The following NOMO3 variants were observed in gnomAD, a reference collection of about 807,000 sequenced individuals.
NOMO3 encodes NODAL modulator 3.
A neutral mutation model predicts 69.9 loss-of-function variants in NOMO3; 15 were observed. That is an observed-to-expected ratio of 0.21 (90% CI 0.14 to 0.33). The LOEUF (loss-of-function observed/expected upper bound fraction) is 0.33. Among genes scored for constraint, NOMO3 ranks in the 10% least tolerant of loss-of-function variants. The probability of loss-of-function intolerance (pLI) is 1.00; values close to 1 mark genes in which losing one functional copy is unlikely to be tolerated. For synonymous variants in NOMO3, 89 were observed against 301.9 expected, an observed-to-expected ratio of 0.29 and a Z score of 7.31; for missense variants, 218 against 761.0, an observed-to-expected ratio of 0.29 and a Z score of 8.39.
chr16:16,272,024 GT>G (rs2049660238), intron 18 of NOMO3, among the ~76,000 whole-genome samples: 2 of 132,968 alleles, frequency 1.5e-5, no homozygotes, highest in African/African-American at 6.6e-5. Flanking sequence ...CTGGTTTCTG[GT>G]GATGGGGAGC....
At chr16:16,233,481 C>T in intron 1 of NOMO3, among the ~76,000 whole-genome samples, 1 of 110,678 alleles carries the variant, frequency 9.0e-6, no homozygotes, top group Non-Finnish European at 1.9e-5. Context: ...AATGGAATTA[C>T]CCTAGAGATT....
chr16:16,255,618 G>T, intron 9 of NOMO3, 102 bp from the exon 10 acceptor site: 1 of 673,602 alleles, frequency 1.5e-6, no homozygotes, highest in Non-Finnish European at 2.7e-6. Context: ...GAGGTGGGCG[G>T]CAGGAGCAGA....
At chr16:16,267,894 A>T (rs2049632252) in intron 16 of NOMO3, among the ~76,000 whole-genome samples, 2 of 127,212 alleles carry the variant, frequency 1.6e-5, no homozygotes, top group South Asian at 5.4e-4. Context: ...ACAATGTAAG[A>T]TCCTCTGTGC....
intron 15 of NOMO3, among the ~76,000 whole-genome samples, chr16:16,265,974 C>T (rs538091721): frequency 1.7e-4 from 25 of 144,622 alleles, no homozygotes; most frequent in African/African-American, 5.9e-4. Context: ...GGATTACAGG[C>T]GTGAGCCATT....
chr16:16,258,804 G>C lies in NOMO3; in HGVS notation c.1220+2646G>C, dbSNP rs1361964250. On this transcript the variant is annotated intron_variant, in intron 11 of 30. Coordinates refer to ENST00000399336, the MANE Select transcript of NOMO3 (RefSeq NM_001004067.4). ...CGCTTGAACCCGAGAGGCAGGGGTT[G>C]CAGTGAGCTGAGATTGCACCATTGC... Among the ~76,000 whole-genome samples the C allele has an allele frequency of 5.6e-5, 8 of 142,372 alleles. 2 individuals are homozygous for C. Among genetic ancestry groups the C allele is most frequent in the Admixed American group, 5.4e-4 (8 of 14,736 alleles). 93.4% of individuals were successfully genotyped at this position (142,372 alleles called of 152,430 possible).
chr16:16,243,803 G>A lies in NOMO3; in HGVS notation c.402+542G>A, dbSNP rs1249409997. ...ACCTCCCATAGTGCTGGGATTACAG[G>A]TGTACGCTGTGCACCCAGCCGCTGT... On this transcript the variant is annotated intron_variant, in intron 4 of 30. Transcript: ENST00000399336. Among the ~76,000 whole-genome samples, 6 of 142,174 alleles carry A rather than the reference G, an allele frequency of 4.2e-5. 1 individual carries two copies. Among genetic ancestry groups the A allele is most frequent in the African/African-American group, 1.7e-4 (6 of 34,628 alleles). The allele number at this position is 142,174 out of a possible 152,430, so 93.3% of individuals were successfully genotyped here.
At chr16:16,250,186 G>A (rs1333037023) in intron 6 of NOMO3, among the ~76,000 whole-genome samples, 1 of 142,668 alleles carries the variant, frequency 7.0e-6, no homozygotes, top group African/African-American at 2.8e-5. Flanking sequence ...CTGCCTGTGA[G>A]TAGTTGAAGG....
At chr16:16,265,275 A>T in intron 15 of NOMO3, 96 bp downstream of exon 15, 1 of 1,584,138 alleles carries the variant, frequency 6.3e-7, no homozygotes, top group Non-Finnish European at 8.5e-7. Context: ...AACGTAGGCA[A>T]GTCAGATTTC....
rs2043874376 is a variant in NOMO3 at position 16,232,543 on chromosome 16, G to C, written c.-124G>C. The C allele has an allele frequency of 8.2e-7, 1 of 1,226,260 alleles. No homozygotes were observed. The highest frequency in any genetic ancestry group is 1.0e-6 in the Non-Finnish European group (1 of 975,228). 76.0% of individuals were successfully genotyped at this position (1,226,260 alleles called of 1,614,324 possible). ...AAGCGCGCGTGCGCGGCGGCGGCTG[G>C]CGGCGGCGGTGGGGCGGGGCCTGGG... On this transcript the variant is annotated 5_prime_UTR_variant, in exon 1 of 31. Transcript: ENST00000399336.
intron 2 of NOMO3, among the ~76,000 whole-genome samples, chr16:16,238,399 A>AT (rs1034909988): frequency 3.0e-5 from 4 of 132,464 alleles, no homozygotes; most frequent in Admixed American, 1.5e-4. Flanking sequence ...TGCCCAGCTA[A>AT]TTTTTTTTGT....
chr16:16,254,412 T>C (rs1384061537), intron 9 of NOMO3, among the ~76,000 whole-genome samples: 1 of 142,890 alleles, frequency 7.0e-6, no homozygotes, highest in Non-Finnish European at 1.5e-5. Context: ...ATGAAACATG[T>C]CTTTTTGGAA....
In NOMO3 at chr16:16,258,791, A is replaced by G. The variant is rs1223489747; in HGVS notation, c.1220+2633A>G. On this transcript the variant is annotated intron_variant, in intron 11 of 30. Coordinates refer to ENST00000399336, the MANE Select transcript of NOMO3 (RefSeq NM_001004067.4). Reference sequence around the variant, plus strand: ...GAGGCAGGAGAATCGCTTGAACCCGAGAGGCAGGGGTTGCAGTGAGCTGAG... The same window carrying G: ...GAGGCAGGAGAATCGCTTGAACCCGGGAGGCAGGGGTTGCAGTGAGCTGAG... Among the ~76,000 whole-genome samples, 14 of 142,094 alleles carry G rather than the reference A, an allele frequency of 9.9e-5. 1 individual carries two copies. The highest frequency in any genetic ancestry group is 4.6e-4 in the East Asian group (2 of 4,310). 93.2% of individuals were successfully genotyped at this position (142,094 alleles called of 152,430 possible). A position where few individuals can be genotyped will look rare whatever the true frequency, so the allele number is the denominator to read the frequency against.
At chr16:16,240,607 A>G in intron 3 of NOMO3, among the ~76,000 whole-genome samples, 1 of 144,312 alleles carries the variant, frequency 6.9e-6, no homozygotes, top group Non-Finnish European at 1.5e-5. Flanking sequence ...GGAGTTGGGG[A>G]TGGGGTTGAG....
rs549485297 is a variant in NOMO3, at chr16:16,237,836, C to T, written c.255+846C>T. Among the ~76,000 whole-genome samples, 40 of 144,452 alleles carry T rather than the reference C, an allele frequency of 2.8e-4. 7 individuals carry two copies. The highest frequency in any genetic ancestry group is 1.1e-3 in the African/African-American group (38 of 36,028). The allele number at this position is 144,452 out of a possible 152,430, so 94.8% of individuals were successfully genotyped here. A position where few individuals can be genotyped will look rare whatever the true frequency, so the allele number is the denominator to read the frequency against. ...AAGTGCTGGGATTACAGGTGTGAGC[C>T]GATGTTTCCGGCCCTCTTATAAAAT... On this transcript the variant is annotated intron_variant, in intron 2 of 30. Coordinates refer to ENST00000399336, the MANE Select transcript of NOMO3 (RefSeq NM_001004067.4).
intron 15 of NOMO3, among the ~76,000 whole-genome samples, chr16:16,266,023 G>A (rs1358354508): frequency 6.9e-6 from 1 of 144,728 alleles, no homozygotes; most frequent in Non-Finnish European, 1.5e-5. Flanking sequence ...CCAGTGCAGG[G>A]GAAGAAGCTG....
chr16:16,256,061 T>A lies in NOMO3; in HGVS notation c.1123T>A (p.Tyr375Asn). The change falls in exon 11 of 31, where the codon TAC (tyrosine) becomes AAC (asparagine). Residue 375 changes from tyrosine (Y) to asparagine (N), a missense_variant. Tyr to Asn is a moderately radical substitution (Grantham distance 143). Coordinates refer to ENST00000399336, the MANE Select transcript of NOMO3 (RefSeq NM_001004067.4). ...CCTTGAGAACATAACCACAGGGACATACACCATCCATGCTCAGAAAGAGCA... is the reference window on the plus strand; with the variant it reads ...CCTTGAGAACATAACCACAGGGACAAACACCATCCATGCTCAGAAAGAGCA... ...FRLENITTGT[Y>N]TIHAQKEHLY... 1 of 1,584,712 alleles carries A rather than the reference T, an allele frequency of 6.3e-7. No homozygotes were observed. Among genetic ancestry groups the A allele is most frequent in the Non-Finnish European group, 8.5e-7 (1 of 1,174,444 alleles).
chr16:16,241,832 T>A (rs1352651218), intron 3 of NOMO3, among the ~76,000 whole-genome samples: 1 of 131,708 alleles, frequency 7.6e-6, no homozygotes, highest in Non-Finnish European at 1.6e-5. Flanking sequence ...GTATGTATAT[T>A]TTGATACATG....
In NOMO3 at chr16:16,269,281, C is replaced by A. The variant is rs1025722520; in HGVS notation, c.1895-840C>A. Among the ~76,000 whole-genome samples the A allele has an allele frequency of 2.1e-5, 3 of 141,940 alleles. 1 individual carries two copies. The highest frequency in any genetic ancestry group is 8.8e-5 in the African/African-American group (3 of 33,924). 93.1% of individuals were successfully genotyped at this position (141,940 alleles called of 152,430 possible). A position where few individuals can be genotyped will look rare whatever the true frequency, so the allele number is the denominator to read the frequency against. On this transcript the variant is annotated intron_variant, in intron 16 of 30. Coordinates refer to ENST00000399336, the MANE Select transcript of NOMO3 (RefSeq NM_001004067.4). ...TGTGGCTGTCAAATGCTCCCCCTCT[C>A]TGTGGATGGTAAACTCCATGAAGAC...
intron 6 of NOMO3, 70 bp from the exon 7 acceptor site, chr16:16,250,857 CG>C (rs2049456175): frequency 4.9e-6 from 5 of 1,023,390 alleles, no homozygotes; most frequent in African/African-American, 2.5e-5. Context: ...TTAGCTTCAG[CG>C]TGTCCTCATG....
Sources: allele counts gnomAD v4.1 joint callset (sites outside exome capture counted in the v4.1 genomes callset), GRCh38; gene constraint gnomAD v4.1.1; transcripts MANE v1.5; gene names NCBI Gene and HGNC (gene_info 2026-07-23, HGNC 2026-07-21).